MCM8: variants seen among roughly 807,000 people sequenced by gnomAD.
The protein encoded by MCM8 is DNA helicase MCM8.
MCM8 carries 85 observed loss-of-function variants against 98.9 expected under a neutral mutation model. That is an observed-to-expected ratio of 0.86 (90% CI 0.72 to 1.03). The LOEUF is 1.03. Ranked by LOEUF, MCM8 falls within the 50% of genes least tolerant of loss-of-function variation. The probability of loss-of-function intolerance (pLI) is 0.00; values close to 1 mark genes in which losing one functional copy is unlikely to be tolerated. For synonymous variants in MCM8, 352 were observed against 338.6 expected (o/e 1.04, Z -0.44); for missense variants, 951 against 997.8 (o/e 0.95, Z 0.63).
At chr20:5,983,661 C>T (rs2089674096) in intron 14 of MCM8, among the ~76,000 whole-genome samples, 1 of 152,040 alleles carries the variant, frequency 6.6e-6, no homozygotes, top group African/African-American at 2.4e-5. Context: ...GATTGTGCCA[C>T]CACACTCCAG....
intron 17 of MCM8, among the ~76,000 whole-genome samples, chr20:5,990,676 T>G (rs1281814748): frequency 6.6e-6 from 1 of 152,228 alleles, no homozygotes; most frequent in Non-Finnish European, 1.5e-5. Context: ...GAGACCAGAC[T>G]AGAGACTGAC....
At chr20:5,966,375 C>G (rs1257424068) in intron 8 of MCM8, among the ~76,000 whole-genome samples, 5 of 151,942 alleles carry the variant, frequency 3.3e-5, no homozygotes, top group African/African-American at 1.2e-4. Context: ...TTTCTTTGTT[C>G]TGTTTTCTAG....
chr20:5,989,085 C>T (rs2089791620), intron 17 of MCM8, among the ~76,000 whole-genome samples: 1 of 149,752 alleles, frequency 6.7e-6, no homozygotes, highest in Admixed American at 6.6e-5. Flanking sequence ...TTAGAGAACA[C>T]TCAGTAAACA....
At chr20:5,980,612 T>A (rs561151920) in intron 13 of MCM8, among the ~76,000 whole-genome samples, 3 of 152,174 alleles carry the variant, frequency 2.0e-5, no homozygotes, top group East Asian at 1.9e-4. Flanking sequence ...TTTAAAAAAA[T>A]TTTAATGCCA....
chr20:5,967,842 A>G lies in MCM8; in HGVS notation c.1040A>G (p.Lys347Arg), dbSNP rs2089309796. 1 of 1,602,754 alleles carries G rather than the reference A, an allele frequency of 6.2e-7. No individual in the cohort carries two copies. The highest frequency in any genetic ancestry group is 8.5e-7 in the Non-Finnish European group (1 of 1,175,714). ...TTTTAATTTACAGGTTCTCGAAATA[A>G]GAATGACAAGTGTATGTTCCTTTTG... ...VSNAEEGSRN[K>R]NDKCMFLLYI... The change falls in exon 10 of 19, where the codon AAG (lysine) becomes AGG (arginine). Residue 347 changes from lysine to arginine, a missense_variant. Transcript: ENST00000610722.
intron 1 of MCM8, among the ~76,000 whole-genome samples, chr20:5,951,750 T>G (rs2088830368): frequency 6.6e-6 from 1 of 152,216 alleles, no homozygotes. Context: ...CCTGTCCTTA[T>G]TTTTAACCTG....
At chr20:5,959,792 G>A (rs1369947844) in intron 7 of MCM8, among the ~76,000 whole-genome samples, 2 of 150,246 alleles carry the variant, frequency 1.3e-5, no homozygotes, top group Non-Finnish European at 2.9e-5. Flanking sequence ...TCCGCCTCCT[G>A]GGTTCAAGCA....
chr20:5,965,084 T>G (rs1368583802), intron 8 of MCM8: 3 of 152,256 alleles, frequency 2.0e-5, no homozygotes, highest in Non-Finnish European at 4.4e-5. Context: ...GTTTACCTTT[T>G]GTCTTCTAAT....
intron 10 of MCM8, among the ~76,000 whole-genome samples, chr20:5,970,523 G>A (rs1257190544): frequency 6.6e-6 from 1 of 152,162 alleles, no homozygotes; most frequent in East Asian, 1.9e-4. Context: ...GCCCCCAGGA[G>A]TATTAAACAC....
At chr20:5,963,385 A>G (rs763958414) in intron 8 of MCM8, 26 bp downstream of exon 8, 61 of 1,576,104 alleles carry the variant, frequency 3.9e-5, no homozygotes, top group Admixed American at 2.5e-4. Flanking sequence ...GTTACATAAA[A>G]GGCAGGCTTT....
chr20:5,967,868 TA>T lies in MCM8; in HGVS notation c.1067del (p.Tyr356LeufsTer27), dbSNP rs777756329. ...NKNDKCMFLL[Y>X]IEANSISNSK... ...GAATGACAAGTGTATGTTCCTTTTG[TA>T]TATTGAAGCAAATTCTATTAGTAAT... On this transcript the variant is annotated frameshift_variant, in exon 10 of 19. Coordinates refer to ENST00000610722, the MANE Select transcript of MCM8 (RefSeq NM_032485.6). LOFTEE classifies it high-confidence loss of function. The T allele has an allele frequency of 3.5e-5, 56 of 1,613,084 alleles. No individual in the cohort carries two copies. The highest frequency in any genetic ancestry group is 4.7e-5 in the Non-Finnish European group (56 of 1,179,580).
chr20:5,955,377 T>C, intron 5 of MCM8, 126 bp downstream of exon 5: 1 of 875,398 alleles, frequency 1.1e-6, no homozygotes, highest in Non-Finnish European at 1.7e-6. Context: ...ATACTTAGCT[T>C]TTACGAAAAG....
chr20:5,959,132 G>A (rs2089068046), intron 7 of MCM8, among the ~76,000 whole-genome samples: 1 of 150,818 alleles, frequency 6.6e-6, no homozygotes, highest in Non-Finnish European at 1.5e-5. Context: ...CTATTTAGAA[G>A]TGATGGGTTT....
chr20:5,980,340 G>T (rs1486811205), intron 13 of MCM8, among the ~76,000 whole-genome samples: 1 of 152,032 alleles, frequency 6.6e-6, no homozygotes, highest in Non-Finnish European at 1.5e-5. Context: ...TGTCTTTTCA[G>T]TGCCATACTC....
chr20:5,984,697 G>A (rs1348376617), intron 14 of MCM8, 84 bp from the exon 15 acceptor site: 2 of 1,118,682 alleles, frequency 1.8e-6, no homozygotes, highest in Non-Finnish European at 2.6e-6. Flanking sequence ...CGTGGAACTT[G>A]AGTAGTAAAT....
intron 17 of MCM8, 81 bp downstream of exon 17, chr20:5,987,439 T>C: frequency 8.9e-7 from 1 of 1,127,604 alleles, no homozygotes; most frequent in Non-Finnish European, 1.3e-6. Context: ...CCAAGGCTAC[T>C]TTTATTTAGC....
In MCM8 at chr20:5,957,333, A is replaced by G. The variant is rs1600244374; in HGVS notation, c.590+104A>G. ...AAAAATGAGGAAATCAGTAAAAAGG[A>G]CATGAGTTCCTTGCCATCTCATTGA... On this transcript the variant is annotated intron_variant, in intron 6 of 18. Coordinates refer to ENST00000610722, the MANE Select transcript of MCM8 (RefSeq NM_032485.6). 1.2e-5 allele frequency: 9 copies of G among 720,060 alleles called. No individual in the cohort carries two copies. In the East Asian group the frequency reaches 2.6e-4, roughly 21 times the overall value. The allele number at this position is 720,060 out of a possible 1,614,324, so 44.6% of individuals were successfully genotyped here.
rs1181593720 is a variant in MCM8 at position 5,952,010 on chromosome 20, G to A, written c.-5-1G>A. The stretch of plus-strand genomic sequence containing the variant: ...AGACCTTTTTAATATCTATCTTTTA[G>A]GAGAGATGAATGGAGAGTATAGAGG... On this transcript the variant is annotated splice_acceptor_variant, in intron 1 of 18. Transcript: ENST00000610722. LOFTEE classifies it low-confidence loss of function (5UTR_SPLICE). 2 of 1,608,758 alleles carry A rather than the reference G, an allele frequency of 1.2e-6. No individual in the cohort carries two copies. Among genetic ancestry groups the A allele is most frequent in the South Asian group, 2.2e-5 (2 of 90,298 alleles).
In MCM8 at chr20:5,997,655, C is replaced by T. The variant is rs2089976168; in HGVS notation, c.*3264C>T. The T allele has an allele frequency of 6.6e-6, 1 of 152,268 alleles. No homozygotes were observed. Among genetic ancestry groups the T allele is most frequent in the Non-Finnish European group, 1.5e-5 (1 of 68,188 alleles). The allele number at this position is 152,268 out of a possible 1,614,324, so 9.4% of individuals were successfully genotyped here. A position where few individuals can be genotyped will look rare whatever the true frequency, so the allele number is the denominator to read the frequency against. On this transcript the variant is annotated 3_prime_UTR_variant, in exon 19 of 19. Coordinates refer to ENST00000610722, the MANE Select transcript of MCM8 (RefSeq NM_032485.6). ...AAGAGATGGGGGTCTTGTTCTGTCG[C>T]CCAGGCTGGAGTGCAGTGACATGAT...
Sources: gnomAD v4.1 joint callset for allele counts (sites outside exome capture counted in the v4.1 genomes callset) on GRCh38, gnomAD v4.1.1 for gene constraint, MANE v1.5 for transcripts, NCBI Gene and HGNC (gene_info 2026-07-23, HGNC 2026-07-21) for gene names.